Variants in CCDC85A observed in about 807,000 individuals in gnomAD.
CCDC85A encodes the protein coiled-coil domain containing 85A, also known as coiled-coil domain-containing protein 85A.
Under a neutral mutation model 50.2 loss-of-function variants are expected in CCDC85A, and 38 were observed. That is an observed-to-expected ratio of 0.76 (90% CI 0.58 to 0.99). The LOEUF is 0.99. Ranked by LOEUF, CCDC85A falls within the 50% of genes least tolerant of loss-of-function variation. The pLI, the probability that CCDC85A is intolerant of heterozygous loss-of-function variation, is 0.00. For missense variants in CCDC85A, 820 were observed against 742.0 expected, an observed-to-expected ratio of 1.11 and a Z score of -1.22; for synonymous variants, 366 against 301.4, an observed-to-expected ratio of 1.21 and a Z score of -2.22.
intron 2 of CCDC85A, among the ~76,000 whole-genome samples, chr2:56,194,154 G>T (rs900541824): frequency 6.6e-6 from 1 of 152,202 alleles, no homozygotes; most frequent in African/African-American, 2.4e-5. Flanking sequence ...CACTGCAAGA[G>T]ACATCTTTCC....
At chr2:56,222,641 T>A (rs1222581658) in intron 2 of CCDC85A, among the ~76,000 whole-genome samples, 1 of 152,114 alleles carries the variant, frequency 6.6e-6, no homozygotes, top group Non-Finnish European at 1.5e-5. Context: ...TGTAAATCTG[T>A]TTTCTTGGCA....
intron 2 of CCDC85A, among the ~76,000 whole-genome samples, chr2:56,312,947 T>C (rs1206146605): frequency 2.0e-5 from 3 of 152,160 alleles, no homozygotes; most frequent in African/African-American, 4.8e-5. Context: ...ATAACTAAGT[T>C]TGTAGAGAGC....
At chr2:56,243,985 A>T (rs13403828) in intron 2 of CCDC85A, among the ~76,000 whole-genome samples, 33,089 of 152,128 alleles carry the variant, frequency 0.22, 3,695 homozygotes, top group East Asian at 0.28. Flanking sequence ...CTTTGTCTCC[A>T]ACAAATAGAG....
chr2:56,344,588 G>C (rs1674539046), intron 3 of CCDC85A, among the ~76,000 whole-genome samples: 1 of 152,160 alleles, frequency 6.6e-6, no homozygotes. Context: ...TGACAGAAGA[G>C]ATTGTGTCAT....
At chr2:56,210,115 G>T (rs1188756494) in intron 2 of CCDC85A, among the ~76,000 whole-genome samples, 3 of 152,052 alleles carry the variant, frequency 2.0e-5, no homozygotes, top group Admixed American at 6.6e-5. Flanking sequence ...TGGCTAGGTG[G>T]TCTGAACCAC....
At chr2:56,364,328 C>T (rs937584393) in intron 3 of CCDC85A, among the ~76,000 whole-genome samples, 7 of 109,866 alleles carry the variant, frequency 6.4e-5, no homozygotes, top group Admixed American at 4.5e-4. Flanking sequence ...ACTTTTATTT[C>T]GTTTTATTTT....
At chr2:56,365,356 T>G (rs1295206031) in intron 3 of CCDC85A, among the ~76,000 whole-genome samples, 1 of 152,184 alleles carries the variant, frequency 6.6e-6, no homozygotes, top group Admixed American at 6.5e-5. Context: ...GAAGGTCAAA[T>G]GAGCACAGAG....
chr2:56,286,833 T>TG (rs1179115569), intron 2 of CCDC85A, among the ~76,000 whole-genome samples: 1 of 152,196 alleles, frequency 6.6e-6, no homozygotes, highest in Non-Finnish European at 1.5e-5. Flanking sequence ...GTATGTTGTG[T>TG]TCTTTGAAAG....
At chr2:56,310,868 A>G (rs930125564) in intron 2 of CCDC85A, among the ~76,000 whole-genome samples, 1 of 152,134 alleles carries the variant, frequency 6.6e-6, no homozygotes, top group Non-Finnish European at 1.5e-5. Flanking sequence ...AATTGACAGA[A>G]ACCATGAAGA....
chr2:56,318,317 A>G (rs1419669797), intron 2 of CCDC85A, among the ~76,000 whole-genome samples: 1 of 151,982 alleles, frequency 6.6e-6, no homozygotes, highest in Non-Finnish European at 1.5e-5. Flanking sequence ...CAGTTCCTTC[A>G]TCGTGCTAAG....
intron 2 of CCDC85A, among the ~76,000 whole-genome samples, chr2:56,301,458 G>A (rs1672198045): frequency 6.6e-6 from 1 of 152,106 alleles, no homozygotes; most frequent in African/African-American, 2.4e-5. Flanking sequence ...TAAAATCTGG[G>A]AATCTATATT....
chr2:56,217,485 A>G lies in CCDC85A; in HGVS notation c.1240+24045A>G, dbSNP rs543325725. Reference sequence around the variant, plus strand: ...TGAAGGAGGGGAGGAATTCCTTTGTATAGCCATTTTTAACTGGAAGTCATG... The same window carrying G: ...TGAAGGAGGGGAGGAATTCCTTTGTGTAGCCATTTTTAACTGGAAGTCATG... On this transcript the variant is annotated intron_variant, in intron 2 of 5. Coordinates refer to ENST00000407595, the MANE Select transcript of CCDC85A (RefSeq NM_001080433.2). Among the ~76,000 whole-genome samples, 19 of 151,986 alleles carry G rather than the reference A, an allele frequency of 1.3e-4. No individual in the cohort carries two copies. The South Asian group carries it at 3.7e-3, about 30-fold the overall frequency.
At chr2:56,306,448 T>C (rs1672451814) in intron 2 of CCDC85A, among the ~76,000 whole-genome samples, 1 of 152,152 alleles carries the variant, frequency 6.6e-6, no homozygotes, top group South Asian at 2.1e-4. Context: ...TAAACAACAG[T>C]TATTTTTGAG....
At chr2:56,265,306 T>C (rs1670389724) in intron 2 of CCDC85A, among the ~76,000 whole-genome samples, 2 of 152,244 alleles carry the variant, frequency 1.3e-5, no homozygotes, top group South Asian at 4.1e-4. Context: ...TGGAGAGTTC[T>C]GCCTGTGTTC....
intron 2 of CCDC85A, among the ~76,000 whole-genome samples, chr2:56,321,682 A>G (rs1296276713): frequency 1.3e-5 from 2 of 152,230 alleles, no homozygotes; most frequent in Non-Finnish European, 2.9e-5. Context: ...GCTCGTGGAT[A>G]CGAAGAACCA....
At chr2:56,258,331 C>A (rs1369711987) in intron 2 of CCDC85A, among the ~76,000 whole-genome samples, 1 of 152,156 alleles carries the variant, frequency 6.6e-6, no homozygotes, top group African/African-American at 2.4e-5. Flanking sequence ...TAATTTAAAT[C>A]TCACTTAAAA....
chr2:56,214,848 A>C (rs77790530), intron 2 of CCDC85A, among the ~76,000 whole-genome samples: 1 of 151,810 alleles, frequency 6.6e-6, no homozygotes, highest in East Asian at 1.9e-4. Flanking sequence ...TGTGTTGGCT[A>C]TTCTGGATCT....
intron 2 of CCDC85A, among the ~76,000 whole-genome samples, chr2:56,309,385 A>G (rs1465999399): frequency 2.6e-5 from 4 of 152,282 alleles, no homozygotes; most frequent in Admixed American, 6.5e-5. Flanking sequence ...GCTTAATTAT[A>G]ATAAAAGCTT....
chr2:56,299,371 C>T (rs574380285), intron 2 of CCDC85A, among the ~76,000 whole-genome samples: 1 of 152,292 alleles, frequency 6.6e-6, no homozygotes, highest in African/African-American at 2.4e-5. Flanking sequence ...ATGCCCCCTG[C>T]TGATTTCTTC....
Sources: gnomAD v4.1 joint callset for allele counts (sites outside exome capture counted in the v4.1 genomes callset) on GRCh38, gnomAD v4.1.1 for gene constraint, MANE v1.5 for transcripts, NCBI Gene and HGNC (gene_info 2026-07-23, HGNC 2026-07-21) for gene names.